MCM5: variants seen among roughly 807,000 people sequenced by gnomAD.
The protein encoded by MCM5 is DNA replication licensing factor MCM5.
Under a neutral mutation model 79.9 loss-of-function variants are expected in MCM5, and 46 were observed. That is an observed-to-expected ratio of 0.58 (90% CI 0.45 to 0.74). MCM5 has a LOEUF of 0.74. Among genes scored for constraint, MCM5 ranks in the 30% least tolerant of loss-of-function variants. The pLI, the probability that MCM5 is intolerant of heterozygous loss-of-function variation, is 0.00. For synonymous variants in MCM5, 404 were observed against 390.5 expected (o/e 1.03, Z -0.41); for missense variants, 883 against 1,017.0 (o/e 0.87, Z 1.79).
chr22:35,410,979 C>T, intron 7 of MCM5, 69 bp downstream of exon 7: 1 of 1,428,396 alleles, frequency 7.0e-7, no homozygotes, highest in African/African-American at 1.4e-5. Context: ...TGGTAACAGG[C>T]AGCTCGTTAC....
chr22:35,418,190 G>A (rs1228218639), intron 13 of MCM5, among the ~76,000 whole-genome samples: 2 of 152,180 alleles, frequency 1.3e-5, no homozygotes, highest in African/African-American at 4.8e-5. Context: ...CTTTGGGCAA[G>A]TTGGTTGGCC....
chr22:35,448,076 G>A, the MCM5 span, among the ~76,000 whole-genome samples: 1 of 152,202 alleles, frequency 6.6e-6, no homozygotes, highest in Admixed American at 6.5e-5. Flanking sequence ...CACATGCGGT[G>A]TCTCATGTCT....
downstream of MCM5, among the ~76,000 whole-genome samples, chr22:35,426,680 G>A (rs1041309032): frequency 8.5e-5 from 13 of 152,194 alleles, no homozygotes; most frequent in Non-Finnish European, 1.6e-4. Flanking sequence ...AACTGAGGGG[G>A]TAGACATCAG....
the MCM5 span, among the ~76,000 whole-genome samples, chr22:35,447,368 T>C: frequency 5.0e-3 from 765 of 152,310 alleles, 10 homozygotes; most frequent in African/African-American, 0.018. Context: ...GGCTTAGCGA[T>C]GCCCGAGATT....
the MCM5 span, among the ~76,000 whole-genome samples, chr22:35,432,588 T>C: frequency 5.3e-5 from 8 of 152,196 alleles, no homozygotes; most frequent in Non-Finnish European, 1.0e-4. Context: ...CCCAGACTCT[T>C]AACACCAGCC....
At chr22:35,426,800 T>C (rs762135037), downstream of MCM5, among the ~76,000 whole-genome samples, 7 of 152,136 alleles carry the variant, frequency 4.6e-5, no homozygotes, top group African/African-American at 7.2e-5. Context: ...CATGCTTTTG[T>C]GTGAGCAGAG....
chr22:35,420,605 C>A (rs959844833), intron 14 of MCM5, among the ~76,000 whole-genome samples: 1 of 152,228 alleles, frequency 6.6e-6, no homozygotes, highest in African/African-American at 2.4e-5. Context: ...TGTGAGGACT[C>A]CTCAAGCTCC....
the MCM5 span, among the ~76,000 whole-genome samples, chr22:35,454,429 CG>C: frequency 2.6e-5 from 4 of 152,086 alleles, no homozygotes; most frequent in African/African-American, 9.7e-5. Flanking sequence ...CTGCAGCAGG[CG>C]GGGGCAGTAG....
intron 10 of MCM5, 141 bp from the exon 11 acceptor site, chr22:35,416,198 T>A (rs1932534383): frequency 1.1e-6 from 1 of 947,326 alleles, no homozygotes. Flanking sequence ...TTCCCATGAT[T>A]AGAGGTGACC....
At chr22:35,401,846 C>T (rs962373494) in intron 2 of MCM5, 1 of 383,088 alleles carries the variant, frequency 2.6e-6, no homozygotes, top group African/African-American at 2.1e-5. Context: ...TTCCGGGGGG[C>T]TGAAGTTTGA....
downstream of MCM5, among the ~76,000 whole-genome samples, chr22:35,429,398 G>T (rs9622200): frequency 0.1 from 15,818 of 152,162 alleles, 2,312 homozygotes; most frequent in African/African-American, 0.33. Flanking sequence ...AGAAGTGAAG[G>T]ATCTGGGTGA....
chr22:35,438,480 C>CATCCATCCACAT, the MCM5 span, among the ~76,000 whole-genome samples: 1 of 145,142 alleles, frequency 6.9e-6, no homozygotes, highest in Admixed American at 6.8e-5. Flanking sequence ...TCCACATATC[C>CATCCATCCACAT]ATCCATCCAT....
chr22:35,423,384 C>G (rs1569071395), intron 16 of MCM5, 43 bp downstream of exon 16: 6 of 1,550,490 alleles, frequency 3.9e-6, no homozygotes, highest in Non-Finnish European at 5.3e-6. Context: ...GCACGGGGTG[C>G]AGGTCTTCTG....
intron 12 of MCM5, among the ~76,000 whole-genome samples, chr22:35,417,419 T>C (rs561961349): frequency 6.6e-6 from 1 of 152,196 alleles, no homozygotes; most frequent in Non-Finnish European, 1.5e-5. Flanking sequence ...TCCTATTGGC[T>C]TGGGTAGATC....
Position 35,424,378 on chromosome 22 carries a change from C to A in MCM5, c.*123C>A. The A allele has an allele frequency of 1.4e-6, 1 of 694,688 alleles. No individual in the cohort carries two copies. 43.0% of individuals were successfully genotyped at this position (694,688 alleles called of 1,614,324 possible). ...TGCAGCCCTCGAACTTCCCAGGCAC[C>A]CTCCTTTCTGCCCCAGAGGAAGGAG... On this transcript the variant is annotated 3_prime_UTR_variant, in exon 17 of 17. Transcript: ENST00000216122.
At position 35,425,107 on chromosome 22, in the gene MCM5, A is replaced by G. The variant is rs1204684153; in HGVS notation, c.*852A>G. The G allele has an allele frequency of 6.6e-6, 1 of 152,198 alleles. No individual in the cohort carries two copies. Among genetic ancestry groups the G allele is most frequent in the Non-Finnish European group, 1.5e-5 (1 of 68,024 alleles). 9.4% of individuals were successfully genotyped at this position (152,198 alleles called of 1,614,324 possible). On this transcript the variant is annotated 3_prime_UTR_variant, in exon 17 of 17. Coordinates refer to ENST00000216122, the MANE Select transcript of MCM5 (RefSeq NM_006739.4). The stretch of plus-strand genomic sequence containing the variant: ...CACCCTGAGTTGTGAGGATTGAATG[A>G]CAGAAGGCACTAGTGACAGTGATGC...
At chr22:35,416,029 T>C in intron 10 of MCM5, 57 bp downstream of exon 10, 1 of 1,582,528 alleles carries the variant, frequency 6.3e-7, no homozygotes, top group Non-Finnish European at 8.7e-7. Context: ...GGTATGTGAC[T>C]TCCTGTGCTC....
Position 35,421,421 on chromosome 22 carries a change from G to C in MCM5, c.1936G>C (p.Val646Leu). ...GGAGGAGGCCCTGCGGCTCTTCCAAGTGTCCACGTTGGATGCTGCCTTGTC... is the reference window on the plus strand; with the variant it reads ...GGAGGAGGCCCTGCGGCTCTTCCAACTGTCCACGTTGGATGCTGCCTTGTC... ...DVEEALRLFQVSTLDAALSGT... is the reference protein window; with the variant it reads ...DVEEALRLFQLSTLDAALSGT... Residue 646 changes from valine to leucine, a missense_variant, in exon 15 of 17, where the codon GTG becomes CTG. Val to Leu is a conservative substitution (Grantham distance 32, BLOSUM62 1). This residue lies in a region of MCM5 where 426 missense variants were observed against 482.3 expected (regional missense o/e 0.88). Coordinates refer to ENST00000216122, the MANE Select transcript of MCM5 (RefSeq NM_006739.4). 1.2e-6 allele frequency: 2 copies of C among 1,614,176 alleles called. No homozygotes were observed. The highest frequency in any genetic ancestry group is 1.7e-6 in the Non-Finnish European group (2 of 1,180,034).
the MCM5 span, among the ~76,000 whole-genome samples, chr22:35,442,078 A>C: frequency 6.6e-6 from 1 of 150,982 alleles, no homozygotes; most frequent in Admixed American, 6.6e-5. Context: ...TGCTCAGGAA[A>C]CTCCCGTGGC....
Sources: allele counts gnomAD v4.1 joint callset (sites outside exome capture counted in the v4.1 genomes callset), GRCh38; gene constraint gnomAD v4.1.1; regional missense constraint gnomAD v4.1.1; transcripts MANE v1.5; gene names NCBI Gene and HGNC (gene_info 2026-07-23, HGNC 2026-07-21).